The following PHTF1 variants were observed in gnomAD, a reference collection of about 807,000 sequenced individuals.
PHTF1 encodes putative homeodomain transcription factor 1.
A neutral mutation model predicts 102.4 loss-of-function variants in PHTF1; 88 were observed. That is an observed-to-expected ratio of 0.86 (90% CI 0.72 to 1.03). The LOEUF (loss-of-function observed/expected upper bound fraction) is 1.03. PHTF1 is among the 50% of genes least tolerant of loss of function. The probability of loss-of-function intolerance (pLI) is 0.00; values close to 1 mark genes in which losing one functional copy is unlikely to be tolerated. For missense variants in PHTF1, 814 were observed against 909.5 expected (o/e 0.89, Z 1.35); for synonymous variants, 289 against 305.2 (o/e 0.95, Z 0.55).
chr1:113,708,398 A>T (rs1401216486), intron 11 of PHTF1, among the ~76,000 whole-genome samples: 1 of 152,124 alleles, frequency 6.6e-6, no homozygotes, highest in East Asian at 1.9e-4. Flanking sequence ...GGCCGAGGTG[A>T]GTGGATCACT....
chr1:113,725,418 A>C (rs1263709585), intron 6 of PHTF1: 1 of 152,242 alleles, frequency 6.6e-6, no homozygotes, highest in Admixed American at 6.5e-5. Context: ...TTTTTTAAAA[A>C]GTTTTTAAAA....
At chr1:113,744,676 ACATATGAT>A (rs1656931747) in intron 3 of PHTF1, among the ~76,000 whole-genome samples, 1 of 152,210 alleles carries the variant, frequency 6.6e-6, no homozygotes, top group Non-Finnish European at 1.5e-5. Flanking sequence ...ATCAAGAAAC[ACATATGAT>A]CATGCCTGCA....
rs1257034916 is a variant in PHTF1, at chr1:113,697,680, G to A, written c.*25C>T. Reference sequence around the variant, plus strand: ...ATAGGTAAGTTTTGATACCAGCCAGGGGAGAGTCCAGGCATTTACTCAGCT... The same window carrying A: ...ATAGGTAAGTTTTGATACCAGCCAGAGGAGAGTCCAGGCATTTACTCAGCT... On this transcript the variant is annotated 3_prime_UTR_variant, in exon 19 of 19. Transcript: ENST00000369604. 5.3e-6 allele frequency: 8 copies of A among 1,505,144 alleles called. No individual in the cohort carries two copies. The Admixed American group carries it at 9.1e-5, about 17-fold the overall frequency. The allele number at this position is 1,505,144 out of a possible 1,614,324, so 93.2% of individuals were successfully genotyped here. A position where few individuals can be genotyped will look rare whatever the true frequency, so the allele number is the denominator to read the frequency against.
chr1:113,748,465 C>G (rs1372481515), intron 3 of PHTF1, among the ~76,000 whole-genome samples: 1 of 152,020 alleles, frequency 6.6e-6, no homozygotes, highest in Non-Finnish European at 1.5e-5. Context: ...CATTTTTATA[C>G]TACTTTTCTG....
rs750402676 is a variant in PHTF1, at chr1:113,698,321, C to A, written c.2209G>T (p.Val737Leu). Residue 737 changes from valine to leucine, a missense_variant, in exon 18 of 19, where the codon GTA becomes TTA. Val to Leu is a conservative substitution (Grantham distance 32). Coordinates refer to ENST00000369604, the MANE Select transcript of PHTF1 (RefSeq NM_001323043.2). Reference sequence around the variant, plus strand: ...CCTGAGACAGCAGAAAGGATAACTACTCTTGTGATATTGTAGATTAAGGGA... The same window carrying A: ...CCTGAGACAGCAGAAAGGATAACTAATCTTGTGATATTGTAGATTAAGGGA... ...MNPLIYNITRVVILSAVSGVI... is the reference protein window; with the variant it reads ...MNPLIYNITRLVILSAVSGVI... 3 of 1,607,330 alleles carry A rather than the reference C, an allele frequency of 1.9e-6. No individual in the cohort carries two copies. In the African/African-American group the frequency reaches 4.0e-5, roughly 21 times the overall value.
chr1:113,743,289 A>C (rs893974316), intron 3 of PHTF1, among the ~76,000 whole-genome samples: 1 of 151,892 alleles, frequency 6.6e-6, no homozygotes, highest in Non-Finnish European at 1.5e-5. Context: ...ACACACAGCC[A>C]AGGCCTACAT....
Position 113,706,015 on chromosome 1 carries a change from G to C in PHTF1, c.1546C>G (p.Leu516Val). 1 of 1,614,146 alleles carries C rather than the reference G, an allele frequency of 6.2e-7. No individual in the cohort carries two copies. The highest frequency in any genetic ancestry group is 8.5e-7 in the Non-Finnish European group (1 of 1,180,004). The change falls in exon 13 of 19, where the codon CTC (leucine) becomes GTC (valine). Residue 516 changes from leucine to valine, a missense_variant. Leu to Val is a conservative substitution (Grantham distance 32). Coordinates refer to ENST00000369604, the MANE Select transcript of PHTF1 (RefSeq NM_001323043.2). Reference protein sequence around the residue: ...KSISAEEILTLFCGAPPVTPI... With the variant: ...KSISAEEILTVFCGAPPVTPI... ...GTAACAGGTGGTGCCCCACAAAAGA[G>C]AGTCAAGATCTCCTCAGCTGAAATG...
chr1:113,726,451 C>A lies in PHTF1; in HGVS notation c.455G>T (p.Arg152Ile). 6.2e-7 allele frequency: 1 copy of A among 1,610,478 alleles called. No individual in the cohort carries two copies. The highest frequency in any genetic ancestry group is 1.1e-5 in the South Asian group (1 of 90,236). ...HCQIVSTQIT[R>I]PSGNNGNRRR... ...TCGATTTCCATTGTTTCCTGATGGTCTTGTTATCTGAGTAGACACAATTTG... is the reference window on the plus strand; with the variant it reads ...TCGATTTCCATTGTTTCCTGATGGTATTGTTATCTGAGTAGACACAATTTG... The change falls in exon 6 of 19, where the codon AGA (arginine) becomes ATA (isoleucine). Residue 152 changes from arginine to isoleucine, a missense_variant. By Grantham distance (97) the Arg-to-Ile change is moderately conservative. Coordinates refer to ENST00000369604, the MANE Select transcript of PHTF1 (RefSeq NM_001323043.2).
chr1:113,752,380 C>A (rs1319634223), intron 3 of PHTF1, among the ~76,000 whole-genome samples: 1 of 115,584 alleles, frequency 8.7e-6, no homozygotes, highest in Non-Finnish European at 1.8e-5. Flanking sequence ...TCATTTGTTA[C>A]TGTAATTTTT....
rs1234652465 is a variant in PHTF1, at chr1:113,711,781, C to G, written c.1012G>C (p.Ala338Pro). Residue 338 changes from alanine (A) to proline (P), a missense_variant, in exon 10 of 19, where the codon GCT becomes CCT. Transcript: ENST00000369604. ...GCTGCTGATTCAAATTCTGATTCAG[C>G]CAGACTATCTGAATCCCGCACAATA... Reference protein sequence around the residue: ...CHIVRDSDSLAESEFESAAFS... With the variant: ...CHIVRDSDSLPESEFESAAFS... 1 of 1,613,832 alleles carries G rather than the reference C, an allele frequency of 6.2e-7. No individual in the cohort carries two copies. The highest frequency in any genetic ancestry group is 1.7e-5 in the Admixed American group (1 of 60,012).
At chr1:113,717,168 A>G (rs1652192102) in intron 7 of PHTF1, among the ~76,000 whole-genome samples, 1 of 152,190 alleles carries the variant, frequency 6.6e-6, no homozygotes, top group Non-Finnish European at 1.5e-5. Context: ...AAAATAGGTT[A>G]TAAAATATTA....
Position 113,758,641 on chromosome 1 carries a change from AATATAT to A in PHTF1, c.45+12_45+17del. The A allele has an allele frequency of 7.0e-7, 1 of 1,430,816 alleles. No individual in the cohort carries two copies. Among genetic ancestry groups the A allele is most frequent in the Non-Finnish European group, 9.5e-7 (1 of 1,047,954 alleles). The allele number at this position is 1,430,816 out of a possible 1,614,324, so 88.6% of individuals were successfully genotyped here. On this transcript the variant is annotated intron_variant, in intron 2 of 18. Transcript: ENST00000369604. ...GGAAGAATGCTTTACAAATAAAAAA[AATATAT>A]ATATGTATTACCTTCTTTTGGTACC...
At chr1:113,712,448 A>AATAAAAT (rs1651276927) in intron 8 of PHTF1, among the ~76,000 whole-genome samples, 5 of 152,334 alleles carry the variant, frequency 3.3e-5, no homozygotes, top group Admixed American at 3.3e-4. Flanking sequence ...ATCTAAAAAG[A>AATAAAAT]AATTATAATA....
At chr1:113,706,200 A>T in intron 12 of PHTF1, 38 bp from the exon 13 acceptor site, 1 of 1,526,362 alleles carries the variant, frequency 6.6e-7, no homozygotes, top group South Asian at 1.3e-5. Context: ...TTATTGTGTT[A>T]GCTAAATGGA....
In PHTF1 at chr1:113,755,668, T is replaced by C. The variant is rs555070847; in HGVS notation, c.102+2031A>G. On this transcript the variant is annotated intron_variant, in intron 3 of 18. Transcript: ENST00000369604. ...AAGAGTAGGAAACAAACACACTTCC[T>C]ACCCTTAGGCCTATGAACACACATA... Among the ~76,000 whole-genome samples, 17 of 152,250 alleles carry C rather than the reference T, an allele frequency of 1.1e-4. No homozygotes were observed. In the East Asian group the frequency reaches 3.1e-3, roughly 28 times the overall value.
At chr1:113,753,877 C>T (rs958002792) in intron 3 of PHTF1, among the ~76,000 whole-genome samples, 1 of 151,936 alleles carries the variant, frequency 6.6e-6, no homozygotes, top group African/African-American at 2.4e-5. Context: ...CCCTATGTTG[C>T]CCGGGCTAGT....
rs34844793 is a variant in PHTF1, at chr1:113,701,826, T to TAAA, written c.1891-880_1891-878dup. On this transcript the variant is annotated intron_variant, in intron 15 of 18. Transcript: ENST00000369604. ...TGGCAACCTGGAATTCAATTCCTGG[T>TAAA]AAAAAAAAAAAAAAAAAAAAAAAAA... Among the ~76,000 whole-genome samples, 242 of 27,950 alleles carry TAAA rather than the reference T, an allele frequency of 8.7e-3. 14 individuals are homozygous for TAAA. The highest frequency in any genetic ancestry group is 0.01 in the Non-Finnish European group (157 of 15,170). The allele number at this position is 27,950 out of a possible 152,430, so 18.3% of individuals were successfully genotyped here.
intron 5 of PHTF1, among the ~76,000 whole-genome samples, chr1:113,728,157 G>A (rs1449585805): frequency 6.6e-6 from 1 of 152,168 alleles, no homozygotes; most frequent in Non-Finnish European, 1.5e-5. Flanking sequence ...TCAACCAAGA[G>A]AAGAGACAAC....
chr1:113,715,380 C>G (rs1651826148), intron 7 of PHTF1, among the ~76,000 whole-genome samples: 1 of 151,940 alleles, frequency 6.6e-6, no homozygotes, highest in Non-Finnish European at 1.5e-5. Context: ...TTTAGCCAGG[C>G]ACAGTGGCTT....
Sources: allele counts gnomAD v4.1 joint callset (sites outside exome capture counted in the v4.1 genomes callset), GRCh38; gene constraint gnomAD v4.1.1; transcripts MANE v1.5; gene names NCBI Gene and HGNC (gene_info 2026-07-23, HGNC 2026-07-21).